The following CTTNBP2 variants were observed in gnomAD, a reference collection of about 807,000 sequenced individuals.
CTTNBP2 encodes the protein cortactin-binding protein 2.
Under a neutral mutation model 156.9 loss-of-function variants are expected in CTTNBP2, and 108 were observed. That is an observed-to-expected ratio of 0.69 (90% CI 0.59 to 0.81). The LOEUF (loss-of-function observed/expected upper bound fraction) is 0.81. Among genes scored for constraint, CTTNBP2 ranks in the 30% least tolerant of loss-of-function variants. The pLI is 0.00. For missense variants in CTTNBP2, 1,924 were observed against 2,035.4 expected (o/e 0.95, Z 1.05); for synonymous variants, 767 against 751.8 (o/e 1.02, Z -0.33).
At chr7:117,839,357 G>A (rs573921085) in intron 2 of CTTNBP2, among the ~76,000 whole-genome samples, 20 of 152,208 alleles carry the variant, frequency 1.3e-4, no homozygotes, top group African/African-American at 4.8e-4. Context: ...ATTTCCTAAC[G>A]TCACACAGCC....
Position 117,756,652 on chromosome 7 carries a change from C to T in CTTNBP2, c.3269-18G>A, listed in dbSNP as rs144515033. 1,573 of 1,548,002 alleles carry T rather than the reference C, an allele frequency of 1.0e-3. 3 individuals carry two copies. The highest frequency in any genetic ancestry group is 9.1e-3 in the African/African-American group (673 of 73,598). On this transcript the variant is annotated intron_variant, in intron 11 of 22. Transcript: ENST00000160373. ...TTGAGGACCTGTAGGAAAGGACAGA[C>T]GAAGAAAAATGGGTGTTCCCTTGTT...
chr7:117,839,605 G>T (rs186197219), intron 2 of CTTNBP2, among the ~76,000 whole-genome samples: 174 of 152,278 alleles, frequency 1.1e-3, no homozygotes, highest in Non-Finnish European at 1.7e-3. Flanking sequence ...CAGCCCCATG[G>T]TGAATTTAAT....
At chr7:117,810,646 C>CT (rs1351371431) in intron 3 of CTTNBP2, 119 bp downstream of exon 3, 2 of 797,318 alleles carry the variant, frequency 2.5e-6, no homozygotes, top group Non-Finnish European at 4.2e-6. Context: ...TCTTGCACTT[C>CT]TAAGTACTTA....
In CTTNBP2 at chr7:117,832,096, C is replaced by T. The variant is rs546858262; in HGVS notation, c.190-21107G>A. Among the ~76,000 whole-genome samples the T allele has an allele frequency of 3.3e-5, 5 of 152,256 alleles. No individual in the cohort carries two copies. The South Asian group carries it at 1.0e-3, about 32-fold the overall frequency. On this transcript the variant is annotated intron_variant, in intron 2 of 22. Transcript: ENST00000160373. Reference sequence around the variant, plus strand: ...ATCTTTCCCACCCCACACCTTTTACCTCCCACATTCCATGCCCTGGCTGTG... The same window carrying T: ...ATCTTTCCCACCCCACACCTTTTACTTCCCACATTCCATGCCCTGGCTGTG...
intron 19 of CTTNBP2, among the ~76,000 whole-genome samples, chr7:117,723,752 CTTTTTTTTT>C (rs35193550): frequency 7.5e-6 from 1 of 133,536 alleles, no homozygotes; most frequent in Non-Finnish European, 1.6e-5. Context: ...ACGGCAGGAT[CTTTTTTTTT>C]TTTTTTTTTG....
chr7:117,784,485 T>A (rs961921303), intron 4 of CTTNBP2, 31 bp from the exon 5 acceptor site: 20 of 1,500,232 alleles, frequency 1.3e-5, no homozygotes, highest in Non-Finnish European at 1.7e-5. Context: ...CGTTAGAGAG[T>A]AGGAGCAAGG....
chr7:117,829,770 A>G (rs1273595966), intron 2 of CTTNBP2, among the ~76,000 whole-genome samples: 1 of 152,232 alleles, frequency 6.6e-6, no homozygotes, highest in Non-Finnish European at 1.5e-5. Context: ...CCAACTGCAC[A>G]TCAGAATTCA....
intron 22 of CTTNBP2, among the ~76,000 whole-genome samples, chr7:117,712,144 T>A (rs1420700876): frequency 6.6e-6 from 1 of 152,170 alleles, no homozygotes; most frequent in East Asian, 1.9e-4. Context: ...CTTGGGTAAA[T>A]CACCTAACTT....
chr7:117,870,912 A>C (rs1377366566), intron 1 of CTTNBP2, among the ~76,000 whole-genome samples: 1 of 152,234 alleles, frequency 6.6e-6, no homozygotes, highest in African/African-American at 2.4e-5. Context: ...CTAAATTTAA[A>C]ACATTCCACT....
intron 2 of CTTNBP2, among the ~76,000 whole-genome samples, chr7:117,817,575 T>C (rs536313359): frequency 3.6e-4 from 55 of 151,208 alleles, no homozygotes; most frequent in African/African-American, 1.3e-3. Flanking sequence ...ACTTAAAATA[T>C]CCAACCTTTC....
At chr7:117,871,875 C>CACACA (rs377637091) in intron 1 of CTTNBP2, 1,253 of 901,432 alleles carry the variant, frequency 1.4e-3, no homozygotes, top group Middle Eastern at 2.8e-3. Flanking sequence ...CACACACACA[C>CACACA]CCTCTTTCTT....
At chr7:117,769,290 A>C (rs1359092737) in intron 8 of CTTNBP2, among the ~76,000 whole-genome samples, 1 of 152,260 alleles carries the variant, frequency 6.6e-6, no homozygotes, top group Non-Finnish European at 1.5e-5. Context: ...CCACCAATTC[A>C]GTGAAACTTT....
At chr7:117,748,139 AGCAGTAAG>A (rs1796436423) in intron 12 of CTTNBP2, among the ~76,000 whole-genome samples, 1 of 152,164 alleles carries the variant, frequency 6.6e-6, no homozygotes, top group Non-Finnish European at 1.5e-5. Flanking sequence ...TCTGCCTCTA[AGCAGTAAG>A]GCAATGGGGC....
At chr7:117,834,130 C>CT (rs1161461777) in intron 2 of CTTNBP2, among the ~76,000 whole-genome samples, 7 of 151,744 alleles carry the variant, frequency 4.6e-5, no homozygotes, top group Admixed American at 2.0e-4. Context: ...TCTTGGCTCA[C>CT]TGCAACCTCC....
At chr7:117,861,830 T>C (rs1803775648) in intron 1 of CTTNBP2, among the ~76,000 whole-genome samples, 1 of 152,050 alleles carries the variant, frequency 6.6e-6, no homozygotes. Flanking sequence ...GTTACTCGGG[T>C]CACAAAGTGG....
intron 3 of CTTNBP2, among the ~76,000 whole-genome samples, chr7:117,809,732 G>A (rs1423093777): frequency 6.6e-6 from 1 of 152,106 alleles, no homozygotes; most frequent in Admixed American, 6.6e-5. Flanking sequence ...TGAAATTTCA[G>A]GGAAAAGACA....
chr7:117,870,496 TTTTC>T (rs1330162550), intron 1 of CTTNBP2, among the ~76,000 whole-genome samples: 1 of 152,228 alleles, frequency 6.6e-6, no homozygotes, highest in Non-Finnish European at 1.5e-5. Flanking sequence ...TTGTCCAAGT[TTTTC>T]TTTGTCACTG....
At position 117,736,181 on chromosome 7, in the gene CTTNBP2, G is replaced by A. The variant is rs149395315; in HGVS notation, c.3536-760C>T. Among the ~76,000 whole-genome samples, 1,308 of 152,242 alleles carry A rather than the reference G, an allele frequency of 8.6e-3. 22 individuals carry two copies. The highest frequency in any genetic ancestry group is 0.03 in the African/African-American group (1,259 of 41,522). On this transcript the variant is annotated intron_variant, in intron 14 of 22. Transcript: ENST00000160373. Reference sequence around the variant, plus strand: ...TAAGATTATGTAGACAGGGCCAGGCGCAGTGGCTCATGCTGGTAATCCCAG... The same window carrying A: ...TAAGATTATGTAGACAGGGCCAGGCACAGTGGCTCATGCTGGTAATCCCAG...
Position 117,728,245 on chromosome 7 carries a change from G to C in CTTNBP2, c.3899C>G (p.Pro1300Arg), listed in dbSNP as rs374131377. The change falls in exon 17 of 23, where the codon CCC (proline) becomes CGC (arginine). Residue 1300 changes from proline (P) to arginine (R), a missense_variant. By Grantham distance (103) the Pro-to-Arg change is moderately radical (BLOSUM62 -2). Coordinates refer to ENST00000160373, the MANE Select transcript of CTTNBP2 (RefSeq NM_033427.3). ...VNKFKGQAPS[P>R]CDPVCKIVDW... is the part of the protein sequence containing the mutation. ...GACAATCTTGCACACAGGATCGCAG[G>C]GGGAGGGCGCCTGACCTTTGAACTA... 6.1e-5 allele frequency: 98 copies of C among 1,613,750 alleles called. No homozygotes were observed. The highest frequency in any genetic ancestry group is 5.5e-4 in the South Asian group (50 of 91,014).
Sources: allele counts gnomAD v4.1 joint callset (sites outside exome capture counted in the v4.1 genomes callset), GRCh38; gene constraint gnomAD v4.1.1; transcripts MANE v1.5; gene names NCBI Gene and HGNC (gene_info 2026-07-23, HGNC 2026-07-21).